The following SLC16A7 variants were observed in gnomAD, a reference collection of about 807,000 sequenced individuals.
SLC16A7 encodes solute carrier family 16 member 7.
SLC16A7 carries 33 observed loss-of-function variants against 34.9 expected under a neutral mutation model. The ratio of observed to expected loss-of-function variants is 0.94; its 90% CI spans 0.72 to 1.26. The LOEUF (loss-of-function observed/expected upper bound fraction) is 1.26, where lower values mean the gene tolerates loss of function less well. SLC16A7 is among the 50% of genes most tolerant of loss of function. The pLI, the probability that SLC16A7 is intolerant of heterozygous loss-of-function variation, is 0.00. For synonymous variants in SLC16A7, 201 were observed against 206.6 expected, an observed-to-expected ratio of 0.97 and a Z score of 0.23; for missense variants, 573 against 578.1, an observed-to-expected ratio of 0.99 and a Z score of 0.09.
At chr12:59,755,977 G>C (rs9668592) in intron 3 of SLC16A7, among the ~76,000 whole-genome samples, 1 of 152,102 alleles carries the variant, frequency 6.6e-6, no homozygotes, top group Non-Finnish European at 1.5e-5. Context: ...TCTGATCTTG[G>C]ACAAACCTGA....
At chr12:59,748,162 C>A (rs762394669) in intron 3 of SLC16A7, among the ~76,000 whole-genome samples, 3 of 152,030 alleles carry the variant, frequency 2.0e-5, no homozygotes, top group Non-Finnish European at 4.4e-5. Flanking sequence ...AGGCGTGGGT[C>A]AAAGGATACA....
rs1347320344 is a variant in SLC16A7 at position 59,638,115 on chromosome 12, AGACAGC to A, written c.-129-17036_-129-17031del. Among the ~76,000 whole-genome samples the A allele has an allele frequency of 1.2e-3, 187 of 152,272 alleles. 6 individuals are homozygous for A. The South Asian group carries it at 0.037, about 30-fold the overall frequency. ...GTAAGCTGTCTATTCGATAAAGAAT[AGACAGC>A]TGTGTTGAAATGTAACTGGATAAAA... is the stretch of plus-strand genomic sequence containing the variant. On this transcript the variant is annotated intron_variant, in intron 1 of 5. Coordinates refer to ENST00000547379, the MANE Select transcript of SLC16A7 (RefSeq NM_001270623.2).
At chr12:59,685,202 ATT>A (rs1871060022) in intron 2 of SLC16A7, among the ~76,000 whole-genome samples, 1 of 152,204 alleles carries the variant, frequency 6.6e-6, no homozygotes, top group Non-Finnish European at 1.5e-5. Context: ...CTATGGGATC[ATT>A]TTTATTCCAT....
Position 59,610,868 on chromosome 12 carries a change from G to C in SLC16A7, c.-130+14632G>C, listed in dbSNP as rs185212808. Among the ~76,000 whole-genome samples the C allele has an allele frequency of 1.1e-3, 174 of 152,282 alleles. 1 individual carries two copies. The highest frequency in any genetic ancestry group is 3.9e-3 in the African/African-American group (163 of 41,558). On this transcript the variant is annotated intron_variant, in intron 1 of 5. Transcript: ENST00000547379. ...TGACAGTATGTCTTGTTTATGTTTT[G>C]TCCTAGCTTGGGCTGCTATAACAAA...
chr12:59,648,382 A>G (rs1868284416), intron 1 of SLC16A7, among the ~76,000 whole-genome samples: 1 of 152,154 alleles, frequency 6.6e-6, no homozygotes, highest in African/African-American at 2.4e-5. Flanking sequence ...ATTGTTAGTG[A>G]TTGATTATAG....
At chr12:59,615,872 A>G (rs1171238544) in intron 1 of SLC16A7, among the ~76,000 whole-genome samples, 1 of 152,208 alleles carries the variant, frequency 6.6e-6, no homozygotes, top group Non-Finnish European at 1.5e-5. Flanking sequence ...AGTCTGCTGG[A>G]ACCTGTTTGT....
At chr12:59,701,170 A>G (rs1219994254) in intron 2 of SLC16A7, among the ~76,000 whole-genome samples, 1 of 151,360 alleles carries the variant, frequency 6.6e-6, no homozygotes, top group Non-Finnish European at 1.5e-5. Flanking sequence ...TTAGGATGAT[A>G]GGTAAATTTG....
intron 2 of SLC16A7, among the ~76,000 whole-genome samples, chr12:59,667,704 T>G (rs1869320642): frequency 6.6e-6 from 1 of 152,158 alleles, no homozygotes; most frequent in Non-Finnish European, 1.5e-5. Flanking sequence ...GCAGCAGACA[T>G]TTGCCTAAGT....
chr12:59,617,011 CAT>C (rs1491265439), intron 1 of SLC16A7, among the ~76,000 whole-genome samples: 2 of 151,980 alleles, frequency 1.3e-5, no homozygotes, highest in Non-Finnish European at 2.9e-5. Flanking sequence ...AACAGTATAA[CAT>C]AATCTAGATT....
intron 1 of SLC16A7, among the ~76,000 whole-genome samples, chr12:59,644,249 C>T (rs1207245562): frequency 1.3e-5 from 2 of 152,138 alleles, no homozygotes; most frequent in African/African-American, 2.4e-5. Context: ...CAACCTAGAC[C>T]CTGGCTTTAG....
intron 2 of SLC16A7, among the ~76,000 whole-genome samples, chr12:59,692,436 G>A (rs542947480): frequency 2.0e-5 from 3 of 151,862 alleles, no homozygotes; most frequent in African/African-American, 4.8e-5. Flanking sequence ...TATCTTGTCC[G>A]AAATGCTTGA....
intron 1 of SLC16A7, among the ~76,000 whole-genome samples, chr12:59,600,028 C>T (rs1306413959): frequency 1.3e-5 from 2 of 152,096 alleles, no homozygotes; most frequent in African/African-American, 2.4e-5. Context: ...TTTAGCTTTG[C>T]CACTTATCAA....
intron 2 of SLC16A7, among the ~76,000 whole-genome samples, chr12:59,670,092 G>A (rs1446698466): frequency 1.3e-5 from 2 of 152,146 alleles, no homozygotes; most frequent in Non-Finnish European, 2.9e-5. Flanking sequence ...AAAGCTTCTA[G>A]GGGAATATCC....
intron 1 of SLC16A7, among the ~76,000 whole-genome samples, chr12:59,597,776 G>A (rs935296947): frequency 6.6e-6 from 1 of 152,170 alleles, no homozygotes; most frequent in Non-Finnish European, 1.5e-5. Flanking sequence ...GATTACAACC[G>A]TAAGAAACTC....
chr12:59,724,572 A>T (rs1876011193), intron 3 of SLC16A7, among the ~76,000 whole-genome samples: 1 of 152,048 alleles, frequency 6.6e-6, no homozygotes, highest in South Asian at 2.1e-4. Flanking sequence ...TAGCAAATTC[A>T]ATTATAATTC....
intron 2 of SLC16A7, among the ~76,000 whole-genome samples, chr12:59,697,665 G>A (rs1360317267): frequency 6.6e-6 from 1 of 150,812 alleles, no homozygotes; most frequent in Non-Finnish European, 1.5e-5. Context: ...TACTATAATT[G>A]CTACCAGCAT....
At chr12:59,724,249 T>C (rs984994822) in intron 3 of SLC16A7, among the ~76,000 whole-genome samples, 1 of 152,018 alleles carries the variant, frequency 6.6e-6, no homozygotes, top group Non-Finnish European at 1.5e-5. Flanking sequence ...TAAAAATTAC[T>C]GGTAATGTGA....
intron 3 of SLC16A7, among the ~76,000 whole-genome samples, chr12:59,739,929 A>G (rs1432331297): frequency 1.3e-5 from 2 of 152,118 alleles, no homozygotes; most frequent in Non-Finnish European, 2.9e-5. Flanking sequence ...AGTTCATTGT[A>G]GATTCTGGAT....
At chr12:59,663,111 A>G (rs895945017) in intron 2 of SLC16A7, among the ~76,000 whole-genome samples, 6 of 152,034 alleles carry the variant, frequency 3.9e-5, no homozygotes, top group Admixed American at 2.6e-4. Context: ...CATTATTCAA[A>G]TTCCTGTCAA....
Sources: allele counts gnomAD v4.1 joint callset (sites outside exome capture counted in the v4.1 genomes callset), GRCh38; gene constraint gnomAD v4.1.1; transcripts MANE v1.5; gene names NCBI Gene and HGNC (gene_info 2026-07-23, HGNC 2026-07-21).